The following SP4 variants were observed in gnomAD, a reference collection of about 807,000 sequenced individuals.
SP4 encodes the protein Sp4 transcription factor.
SP4 carries 19 observed loss-of-function variants against 72.8 expected under a neutral mutation model. That is an observed-to-expected ratio of 0.26 (90% confidence interval 0.18 to 0.38). SP4 has a LOEUF of 0.38. SP4 is among the 10% of genes least tolerant of loss of function. SP4 has a pLI of 1.00. For missense variants in SP4, 1,008 were observed against 926.3 expected (o/e 1.09, Z -1.14); for synonymous variants, 395 against 333.1 (o/e 1.19, Z -2.02).
intron 5 of SP4, among the ~76,000 whole-genome samples, chr7:21,487,759 A>ATGGTGG (rs772993387): frequency 1.5e-5 from 2 of 132,770 alleles, no homozygotes; most frequent in Non-Finnish European, 3.1e-5. Flanking sequence ...GATGATGATG[A>ATGGTGG]TGATGGTGGT....
At chr7:21,510,887 A>T in intron 5 of SP4, 135 bp from the exon 6 acceptor site, 1 of 790,298 alleles carries the variant, frequency 1.3e-6, no homozygotes, top group Non-Finnish European at 1.9e-6. Flanking sequence ...TAACGTTTTT[A>T]AATAAAACAA....
chr7:21,495,471 G>A (rs1033400562), intron 5 of SP4, among the ~76,000 whole-genome samples: 5 of 151,654 alleles, frequency 3.3e-5, no homozygotes, highest in South Asian at 2.1e-4. Flanking sequence ...TGTATGTGAC[G>A]GAAAAGTGCA....
At chr7:21,507,632 G>A (rs1782032999) in intron 5 of SP4, among the ~76,000 whole-genome samples, 1 of 152,160 alleles carries the variant, frequency 6.6e-6, no homozygotes, top group African/African-American at 2.4e-5. Flanking sequence ...TTCACATAGA[G>A]AATTAAAGCT....
chr7:21,474,764 C>G (rs1784447322), intron 3 of SP4, among the ~76,000 whole-genome samples: 1 of 152,180 alleles, frequency 6.6e-6, no homozygotes, highest in Non-Finnish European at 1.5e-5. Flanking sequence ...AAATTTACAA[C>G]TCTCACTTCA....
chr7:21,432,489 A>G (rs969872008), intron 3 of SP4, among the ~76,000 whole-genome samples: 1 of 152,190 alleles, frequency 6.6e-6, no homozygotes, highest in Non-Finnish European at 1.5e-5. Context: ...GAAGTAATCA[A>G]TTTTTCTGCT....
chr7:21,494,102 A>T (rs1451156424), intron 5 of SP4, among the ~76,000 whole-genome samples: 1 of 152,210 alleles, frequency 6.6e-6, no homozygotes, highest in African/African-American at 2.4e-5. Flanking sequence ...TTTCTGTAAA[A>T]ATTCTCAGCA....
chr7:21,474,520 A>G (rs1022396767), intron 3 of SP4, among the ~76,000 whole-genome samples: 1 of 152,254 alleles, frequency 6.6e-6, no homozygotes, highest in Non-Finnish European at 1.5e-5. Context: ...TTTGTAGCCA[A>G]GGTCATCCTT....
intron 3 of SP4, among the ~76,000 whole-genome samples, chr7:21,452,548 CT>C (rs1002969210): frequency 6.6e-6 from 1 of 152,074 alleles, no homozygotes; most frequent in African/African-American, 2.4e-5. Context: ...CTTTTCTTGG[CT>C]TTATAAGTCA....
At chr7:21,489,598 C>A (rs1784919499) in intron 5 of SP4, among the ~76,000 whole-genome samples, 1 of 128,598 alleles carries the variant, frequency 7.8e-6, no homozygotes, top group African/African-American at 2.9e-5. Flanking sequence ...CTCGCTCTGT[C>A]ACCCAGGCTG....
intron 5 of SP4, among the ~76,000 whole-genome samples, chr7:21,506,407 A>G: frequency 6.6e-6 from 1 of 152,148 alleles, no homozygotes; most frequent in East Asian, 1.9e-4. Flanking sequence ...TTTTCCATTT[A>G]GGACATCCTC....
At chr7:21,474,417 AG>A (rs1428278799) in intron 3 of SP4, among the ~76,000 whole-genome samples, 1 of 152,214 alleles carries the variant, frequency 6.6e-6, no homozygotes, top group East Asian at 1.9e-4. Context: ...GTGCTTGTTC[AG>A]ACAGTACTCT....
At chr7:21,481,812 C>T (rs1784697310) in intron 4 of SP4, 112 bp from the exon 5 acceptor site, 4 of 762,544 alleles carry the variant, frequency 5.2e-6, no homozygotes, top group Non-Finnish European at 8.8e-6. Flanking sequence ...GCATCATGAT[C>T]AAACCTATTC....
chr7:21,504,236 C>A (rs1398934791), intron 5 of SP4, among the ~76,000 whole-genome samples: 1 of 152,176 alleles, frequency 6.6e-6, no homozygotes, highest in Non-Finnish European at 1.5e-5. Context: ...CTTTCTAAAA[C>A]CTGTTTGACC....
chr7:21,468,876 G>C (rs1158053767), intron 3 of SP4, among the ~76,000 whole-genome samples: 2 of 152,058 alleles, frequency 1.3e-5, no homozygotes. Flanking sequence ...ACATTTTACT[G>C]AATTTCTCAT....
chr7:21,471,407 T>C (rs149494534), intron 3 of SP4, among the ~76,000 whole-genome samples: 1 of 152,330 alleles, frequency 6.6e-6, no homozygotes, highest in African/African-American at 2.4e-5. Flanking sequence ...TCAACATAGA[T>C]AATGTATATG....
chr7:21,430,669 A>G lies in SP4; in HGVS notation c.1504A>G (p.Ser502Gly). 3.1e-6 allele frequency: 5 copies of G among 1,614,238 alleles called. No individual in the cohort carries two copies. The highest frequency in any genetic ancestry group is 2.2e-5 in the East Asian group (1 of 44,890). ...ATTAACCATCACCCCAGTGTCTTCA[A>G]GTGGTGGCACAACTCTTGCTCAGAT... is the stretch of plus-strand genomic sequence containing the variant. ...QQLTITPVSS[S>G]GGTTLAQIAP... Residue 502 changes from serine to glycine, a missense_variant, in exon 3 of 6, where the codon AGT becomes GGT. Coordinates refer to ENST00000222584, the MANE Select transcript of SP4 (RefSeq NM_003112.5).
intron 3 of SP4, among the ~76,000 whole-genome samples, chr7:21,451,747 G>T (rs879277784): frequency 1.3e-5 from 2 of 152,174 alleles, no homozygotes; most frequent in African/African-American, 2.4e-5. Context: ...GAGCTGGATG[G>T]CCTGAAGGTG....
In SP4 at chr7:21,510,001, C is replaced by CA. The variant is rs1413589331; in HGVS notation, c.2108-1020dup. Among the ~76,000 whole-genome samples the CA allele has an allele frequency of 2.6e-5, 4 of 152,206 alleles. No individual in the cohort carries two copies. The South Asian group carries it at 8.3e-4, about 32-fold the overall frequency. ...GCAGGCAAAGAGAGAATAAGGAAGA[C>CA]ACAAAAGCAGAAATCCCTGATAAAA... On this transcript the variant is annotated intron_variant, in intron 5 of 5. Coordinates refer to ENST00000222584, the MANE Select transcript of SP4 (RefSeq NM_003112.5).
intron 5 of SP4, among the ~76,000 whole-genome samples, chr7:21,495,995 A>G (rs1453016619): frequency 6.6e-6 from 1 of 152,238 alleles, no homozygotes; most frequent in East Asian, 1.9e-4. Context: ...TTTCAGAATC[A>G]AAAGACTGCA....
Sources: gnomAD v4.1 joint callset for allele counts (sites outside exome capture counted in the v4.1 genomes callset) on GRCh38, gnomAD v4.1.1 for gene constraint, MANE v1.5 for transcripts, NCBI Gene and HGNC (gene_info 2026-07-23, HGNC 2026-07-21) for gene names.